Variants in TUT4 observed in about 807,000 individuals in gnomAD.
The protein encoded by TUT4 is terminal uridylyltransferase 4.
Under a neutral mutation model 192.2 loss-of-function variants are expected in TUT4, and 36 were observed. The ratio of observed to expected loss-of-function variants is 0.19; its 90% CI spans 0.14 to 0.25. The LOEUF (loss-of-function observed/expected upper bound fraction) is 0.25, where lower values mean the gene tolerates loss of function less well. Among genes scored for constraint, TUT4 ranks in the 10% least tolerant of loss-of-function variants. The probability of loss-of-function intolerance (pLI) is 1.00; values close to 1 mark genes in which losing one functional copy is unlikely to be tolerated. For synonymous variants in TUT4, 618 were observed against 666.0 expected (o/e 0.93, Z 1.11); for missense variants, 1,493 against 1,957.2 (o/e 0.76, Z 4.47).
intron 4 of TUT4, among the ~76,000 whole-genome samples, chr1:52,504,556 G>T (rs1571052897): frequency 6.6e-6 from 1 of 152,130 alleles, no homozygotes; most frequent in Admixed American, 6.6e-5. Flanking sequence ...CTTGAACCCA[G>T]GAGGTGGAGG....
intron 2 of TUT4, among the ~76,000 whole-genome samples, chr1:52,522,987 C>CTTTTTTTTTTT (rs748149518): frequency 1.1e-5 from 1 of 89,566 alleles, no homozygotes; most frequent in Admixed American, 1.7e-4. Context: ...CCTTAACTAT[C>CTTTTTTTTTTT]TTTTTTTTTT....
chr1:52,466,656 A>AT (rs1664242357), intron 15 of TUT4, among the ~76,000 whole-genome samples: 1 of 133,944 alleles, frequency 7.5e-6, no homozygotes, highest in African/African-American at 3.3e-5. Context: ...AAAAAAAAAA[A>AT]AAAATATATA....
At chr1:52,444,986 T>C (rs983845715) in intron 24 of TUT4, among the ~76,000 whole-genome samples, 32 of 150,768 alleles carry the variant, frequency 2.1e-4, no homozygotes, top group Non-Finnish European at 4.6e-4. Flanking sequence ...TGTGTGTATA[T>C]ATATGTATAT....
intron 13 of TUT4, among the ~76,000 whole-genome samples, chr1:52,474,457 G>T (rs968421780): frequency 5.3e-5 from 8 of 151,802 alleles, no homozygotes; most frequent in Non-Finnish European, 1.2e-4. Flanking sequence ...TTTTATTTTG[G>T]GGGGGGAAGA....
intron 1 of TUT4, among the ~76,000 whole-genome samples, chr1:52,545,803 CAAT>C (rs1320705466): frequency 6.6e-6 from 1 of 151,810 alleles, no homozygotes; most frequent in Admixed American, 6.6e-5. Context: ...AAAATATACT[CAAT>C]GATGCTAAGG....
At chr1:52,446,963 TAAAAA>T (rs1010904272) in intron 20 of TUT4, among the ~76,000 whole-genome samples, 2 of 151,894 alleles carry the variant, frequency 1.3e-5, no homozygotes, top group Non-Finnish European at 2.9e-5. Flanking sequence ...AAGCAAAACT[TAAAAA>T]AGAAACAGCA....
intron 14 of TUT4, among the ~76,000 whole-genome samples, chr1:52,471,539 G>A (rs1403189710): frequency 2.0e-5 from 3 of 152,168 alleles, no homozygotes; most frequent in Non-Finnish European, 4.4e-5. Context: ...CAAGAACGCT[G>A]CAGTGATGAA....
At chr1:52,492,466 TCTAAA>T (rs1474771631) in intron 7 of TUT4, among the ~76,000 whole-genome samples, 1 of 152,216 alleles carries the variant, frequency 6.6e-6, no homozygotes, top group African/African-American at 2.4e-5. Flanking sequence ...CCCACACTTT[TCTAAA>T]CTATAGTTTA....
intron 20 of TUT4, among the ~76,000 whole-genome samples, chr1:52,450,887 T>C (rs191273343): frequency 5.3e-4 from 81 of 152,208 alleles, no homozygotes; most frequent in Non-Finnish European, 1.1e-3. Flanking sequence ...TTGTTAATCA[T>C]AGTATTCCGG....
Position 52,461,504 on chromosome 1 carries a change from T to C in TUT4, c.3231+9A>G. Reference sequence around the variant, plus strand: ...AAAGTATATACATGGCCTATAAAGATAAACTTACCAACGTATTATATAAAC... The same window carrying C: ...AAAGTATATACATGGCCTATAAAGACAAACTTACCAACGTATTATATAAAC... On this transcript the variant is annotated intron_variant, in intron 18 of 29. Transcript: ENST00000257177. 1 of 1,607,734 alleles carries C rather than the reference T, an allele frequency of 6.2e-7. No individual in the cohort carries two copies. Among genetic ancestry groups the C allele is most frequent in the Non-Finnish European group, 8.5e-7 (1 of 1,176,934 alleles).
chr1:52,517,609 A>G (rs1459733811), intron 2 of TUT4, among the ~76,000 whole-genome samples: 3 of 152,224 alleles, frequency 2.0e-5, no homozygotes, highest in Non-Finnish European at 4.4e-5. Context: ...GCAAACTCAG[A>G]TAAGGATGTT....
chr1:52,425,725 A>G (rs1330625113), intron 28 of TUT4, among the ~76,000 whole-genome samples: 1 of 152,176 alleles, frequency 6.6e-6, no homozygotes, highest in Non-Finnish European at 1.5e-5. Context: ...ATACACAACA[A>G]TATGTAATAA....
intron 1 of TUT4, among the ~76,000 whole-genome samples, chr1:52,548,094 G>A (rs1308849989): frequency 6.6e-6 from 1 of 152,006 alleles, no homozygotes; most frequent in African/African-American, 2.4e-5. Flanking sequence ...TGTCACCCCA[G>A]ACCAGAGAAT....
At chr1:52,486,833 A>C (rs1389362416) in intron 9 of TUT4, among the ~76,000 whole-genome samples, 1 of 152,196 alleles carries the variant, frequency 6.6e-6, no homozygotes, top group Admixed American at 6.5e-5. Context: ...TTTAGGAAAC[A>C]ATATTTATGG....
chr1:52,487,360 G>A (rs571359359), intron 9 of TUT4, among the ~76,000 whole-genome samples: 2 of 152,160 alleles, frequency 1.3e-5, no homozygotes, highest in East Asian at 3.9e-4. Context: ...CCCGCGGCAG[G>A]AGGATCGCTT....
intron 15 of TUT4, among the ~76,000 whole-genome samples, chr1:52,466,425 T>C (rs1401463860): frequency 6.6e-6 from 1 of 151,674 alleles, no homozygotes; most frequent in African/African-American, 2.4e-5. Flanking sequence ...GGTGGATCAC[T>C]TGAGTTCAGG....
intron 6 of TUT4, among the ~76,000 whole-genome samples, chr1:52,493,965 C>CT (rs74540967): frequency 0.028 from 3,697 of 132,834 alleles, 153 homozygotes; most frequent in African/African-American, 0.087. Flanking sequence ...CCAGCTAATA[C>CT]TTTTTTTTTT....
chr1:52,544,341 A>G (rs1234391191), intron 1 of TUT4, among the ~76,000 whole-genome samples: 2 of 152,176 alleles, frequency 1.3e-5, no homozygotes, highest in Admixed American at 6.5e-5. Context: ...GTATAAATAC[A>G]TACAGACAGA....
At chr1:52,532,607 G>C (rs572175919) in intron 1 of TUT4, among the ~76,000 whole-genome samples, 1 of 152,090 alleles carries the variant, frequency 6.6e-6, no homozygotes, top group East Asian at 1.9e-4. Flanking sequence ...TACCATGCCC[G>C]GCCTTACCTA....
Sources: allele counts gnomAD v4.1 joint callset (sites outside exome capture counted in the v4.1 genomes callset), GRCh38; gene constraint gnomAD v4.1.1; transcripts MANE v1.5; gene names NCBI Gene and HGNC (gene_info 2026-07-23, HGNC 2026-07-21).